Variants in GALNTL6 observed in about 807,000 individuals in gnomAD.
GALNTL6 encodes polypeptide N-acetylgalactosaminyltransferase-like 6.
Under a neutral mutation model 73.7 loss-of-function variants are expected in GALNTL6, and 46 were observed. The observed-to-expected ratio is 0.62, with a 90% CI of 0.49 to 0.80. The LOEUF is 0.80. Ranked by LOEUF, GALNTL6 falls within the 30% of genes least tolerant of loss-of-function variation. GALNTL6 has a pLI of 0.00. For synonymous variants in GALNTL6, 259 were observed against 263.7 expected (o/e 0.98, Z 0.17); for missense variants, 604 against 755.0 (o/e 0.80, Z 2.34).
chr4:172,073,656 T>C (rs1045619602), intron 2 of GALNTL6, among the ~76,000 whole-genome samples: 1 of 152,236 alleles, frequency 6.6e-6, no homozygotes, highest in Non-Finnish European at 1.5e-5. Context: ...ATTGACTAGA[T>C]GTTCTGAAGC....
intron 5 of GALNTL6, among the ~76,000 whole-genome samples, chr4:172,627,329 C>T (rs1435561874): frequency 6.6e-6 from 1 of 152,114 alleles, no homozygotes; most frequent in South Asian, 2.1e-4. Flanking sequence ...AACCCAGCAT[C>T]CCAGTAATCA....
Position 172,444,807 on chromosome 4 carries a change from T to C in GALNTL6, c.553+96118T>C, listed in dbSNP as rs77112859. Among the ~76,000 whole-genome samples, 987 of 152,242 alleles carry C rather than the reference T, an allele frequency of 6.5e-3. 9 individuals carry two copies. The highest frequency in any genetic ancestry group is 0.022 in the African/African-American group (913 of 41,546). ...CAAATTGAATCCTTAATAGCTTCTATGTTCTTAAATCCTGAACACATTTAT... is the reference window on the plus strand; with the variant it reads ...CAAATTGAATCCTTAATAGCTTCTACGTTCTTAAATCCTGAACACATTTAT... On this transcript the variant is annotated intron_variant, in intron 5 of 12. Coordinates refer to ENST00000506823, the MANE Select transcript of GALNTL6 (RefSeq NM_001034845.3).
intron 2 of GALNTL6, among the ~76,000 whole-genome samples, chr4:172,089,457 T>G (rs552075365): frequency 1.3e-5 from 2 of 152,144 alleles, no homozygotes; most frequent in African/African-American, 4.8e-5. Flanking sequence ...CAGTTTCAGT[T>G]TGCAGGGCTT....
chr4:172,050,736 C>G (rs950418181), intron 2 of GALNTL6, among the ~76,000 whole-genome samples: 5 of 152,120 alleles, frequency 3.3e-5, no homozygotes, highest in Admixed American at 2.6e-4. Context: ...TCCTTATATA[C>G]TTCTCCAGGC....
chr4:171,849,598 T>C (rs538682300), intron 2 of GALNTL6, among the ~76,000 whole-genome samples: 4 of 152,344 alleles, frequency 2.6e-5, no homozygotes, highest in Admixed American at 2.6e-4. Flanking sequence ...AATATGATTT[T>C]ACCTATTAAT....
At chr4:172,841,819 C>T (rs542284928) in intron 7 of GALNTL6, among the ~76,000 whole-genome samples, 30 of 152,286 alleles carry the variant, frequency 2.0e-4, no homozygotes, top group African/African-American at 5.1e-4. Context: ...AAAGCCTGAT[C>T]GTATCAACCC....
At chr4:172,474,049 C>T (rs757726836) in intron 5 of GALNTL6, among the ~76,000 whole-genome samples, 6 of 152,112 alleles carry the variant, frequency 3.9e-5, no homozygotes, top group Non-Finnish European at 8.8e-5. Flanking sequence ...AGTTTTTCCC[C>T]CATCCTTCAT....
At chr4:172,150,954 G>A (rs950710338) in intron 2 of GALNTL6, among the ~76,000 whole-genome samples, 11 of 152,120 alleles carry the variant, frequency 7.2e-5, no homozygotes, top group Non-Finnish European at 1.5e-4. Context: ...TTCCATAAAT[G>A]CATTAGGTCC....
intron 5 of GALNTL6, among the ~76,000 whole-genome samples, chr4:172,707,970 G>T (rs1043494837): frequency 3.3e-5 from 5 of 151,978 alleles, no homozygotes; most frequent in African/African-American, 1.2e-4. Flanking sequence ...TTGAGAAGAG[G>T]GATCAAAGAA....
chr4:172,669,013 GTTTTA>G (rs1024166685), intron 5 of GALNTL6: 1 of 151,942 alleles, frequency 6.6e-6, no homozygotes, highest in Non-Finnish European at 1.5e-5. Flanking sequence ...AAAAAAAAAA[GTTTTA>G]TTTTATAGAT....
At chr4:172,572,232 A>G (rs1041837421) in intron 5 of GALNTL6, among the ~76,000 whole-genome samples, 3 of 152,142 alleles carry the variant, frequency 2.0e-5, no homozygotes, top group Non-Finnish European at 2.9e-5. Context: ...CCTGAAATCT[A>G]TTCCCCATAC....
intron 4 of GALNTL6, among the ~76,000 whole-genome samples, chr4:172,345,317 G>T (rs1336673766): frequency 2.0e-5 from 3 of 152,072 alleles, no homozygotes; most frequent in African/African-American, 7.2e-5. Context: ...ATAAGTTACA[G>T]ATATCAATGT....
At chr4:172,163,861 C>A (rs529155091) in intron 2 of GALNTL6, among the ~76,000 whole-genome samples, 1 of 151,936 alleles carries the variant, frequency 6.6e-6, no homozygotes, top group Non-Finnish European at 1.5e-5. Flanking sequence ...CACAGGTACA[C>A]GTGTCTATTT....
At chr4:172,298,522 C>T (rs746231189) in intron 3 of GALNTL6, among the ~76,000 whole-genome samples, 4 of 151,946 alleles carry the variant, frequency 2.6e-5, no homozygotes, top group African/African-American at 4.8e-5. Flanking sequence ...TTTTGAGATA[C>T]GTACCATCAA....
intron 2 of GALNTL6, among the ~76,000 whole-genome samples, chr4:172,146,823 T>A (rs1476449795): frequency 6.6e-6 from 1 of 152,212 alleles, no homozygotes; most frequent in Non-Finnish European, 1.5e-5. Flanking sequence ...AATTTGGGAT[T>A]CAACCAAGTT....
intron 3 of GALNTL6, among the ~76,000 whole-genome samples, chr4:172,302,848 T>TATTCATTAA (rs1739989730): frequency 6.6e-6 from 1 of 152,056 alleles, no homozygotes. Context: ...TAAGTTTGGC[T>TATTCATTAA]GTTTGTTTTC....
chr4:172,720,463 G>A (rs1178360479), intron 5 of GALNTL6, among the ~76,000 whole-genome samples: 1 of 152,128 alleles, frequency 6.6e-6, no homozygotes, highest in South Asian at 2.1e-4. Flanking sequence ...AAGCTAGTTA[G>A]TTTCTCCAGG....
chr4:171,984,577 GC>G (rs932370962), intron 2 of GALNTL6, among the ~76,000 whole-genome samples: 1 of 152,164 alleles, frequency 6.6e-6, no homozygotes, highest in African/African-American at 2.4e-5. Flanking sequence ...GTGTGTGACA[GC>G]CCGCTCTGGA....
chr4:172,649,195 T>C (rs953394289), intron 5 of GALNTL6, among the ~76,000 whole-genome samples: 1 of 152,190 alleles, frequency 6.6e-6, no homozygotes, highest in Non-Finnish European at 1.5e-5. Flanking sequence ...TCTCAGTTTA[T>C]TTTGAGCAAA....
Sources: allele counts gnomAD v4.1 joint callset (sites outside exome capture counted in the v4.1 genomes callset), GRCh38; gene constraint gnomAD v4.1.1; transcripts MANE v1.5; gene names NCBI Gene and HGNC (gene_info 2026-07-23, HGNC 2026-07-21).